Variants in MYO10 observed in about 807,000 individuals in gnomAD.
The protein encoded by MYO10 is unconventional myosin-X.
MYO10 carries 133 observed loss-of-function variants against 257.3 expected under a neutral mutation model. The observed-to-expected ratio is 0.52, with a 90% CI of 0.45 to 0.60. The LOEUF (loss-of-function observed/expected upper bound fraction) is 0.60, where lower values mean the gene tolerates loss of function less well. Among genes scored for constraint, MYO10 ranks in the 20% least tolerant of loss-of-function variants. MYO10 has a pLI of 0.00. For synonymous variants in MYO10, 1,104 were observed against 1,028.6 expected (o/e 1.07, Z -1.40); for missense variants, 2,399 against 2,635.7 (o/e 0.91, Z 1.97).
At chr5:16,811,494 T>C (rs1742440241) in intron 3 of MYO10, among the ~76,000 whole-genome samples, 1 of 152,198 alleles carries the variant, frequency 6.6e-6, no homozygotes, top group African/African-American at 2.4e-5. Context: ...AAGCTCACTC[T>C]CAGCTCTCCA....
intron 33 of MYO10, among the ~76,000 whole-genome samples, chr5:16,678,799 G>A (rs966319830): frequency 4.6e-5 from 7 of 152,122 alleles, no homozygotes; most frequent in Non-Finnish European, 7.3e-5. Context: ...TAAAATACCT[G>A]CCTCACCATC....
intron 2 of MYO10, among the ~76,000 whole-genome samples, chr5:16,866,837 C>T (rs189302431): frequency 6.6e-5 from 10 of 152,280 alleles, no homozygotes; most frequent in Admixed American, 3.9e-4. Context: ...CCCCAACTGC[C>T]TTTTCCTCCA....
chr5:16,845,338 C>A (rs370453500), intron 2 of MYO10, among the ~76,000 whole-genome samples: 23 of 152,140 alleles, frequency 1.5e-4, no homozygotes, highest in African/African-American at 5.5e-4. Context: ...AGCTGTCCCA[C>A]GATTATGTCC....
At chr5:16,670,296 C>T (rs1397957639) in intron 39 of MYO10, among the ~76,000 whole-genome samples, 2 of 152,130 alleles carry the variant, frequency 1.3e-5, no homozygotes, top group East Asian at 3.8e-4. Flanking sequence ...GAATAGATGA[C>T]ATCTTAATTT....
At chr5:16,708,619 T>C (rs556002040) in intron 21 of MYO10, among the ~76,000 whole-genome samples, 108 of 152,312 alleles carry the variant, frequency 7.1e-4, no homozygotes, top group Non-Finnish European at 1.3e-3. Context: ...TGGAGTGCAG[T>C]GGCATGATCA....
intron 19 of MYO10, among the ~76,000 whole-genome samples, chr5:16,752,361 C>T (rs1320705594): frequency 1.3e-5 from 2 of 152,318 alleles, no homozygotes; most frequent in Admixed American, 1.3e-4. Context: ...CGGCTCACTG[C>T]AGCCTCCGCC....
rs73755181 is a variant in MYO10 at position 16,739,959 on chromosome 5, A to G, written c.1929+14869T>C. 2.1e-3 allele frequency among the ~76,000 whole-genome samples: 322 copies of G among 152,292 alleles called. 4 individuals are homozygous for G. Among genetic ancestry groups the G allele is most frequent in the African/African-American group, 7.5e-3 (311 of 41,556 alleles). ...TATTATTGTCACTATTCTTTGTCGC[A>G]TATTTTTGAGGGTCATAGAAAGAAC... On this transcript the variant is annotated intron_variant, in intron 19 of 40. Coordinates refer to ENST00000513610, the MANE Select transcript of MYO10 (RefSeq NM_012334.3).
chr5:16,775,525 G>C (rs1446458375), intron 9 of MYO10, among the ~76,000 whole-genome samples: 1 of 152,094 alleles, frequency 6.6e-6, no homozygotes, highest in Admixed American at 6.5e-5. Context: ...AACTCCCTGG[G>C]CTCAGGTAAT....
chr5:16,801,652 ATGGTT>A (rs1157760633), intron 3 of MYO10, among the ~76,000 whole-genome samples: 1 of 152,142 alleles, frequency 6.6e-6, no homozygotes, highest in Admixed American at 6.5e-5. Context: ...TTCTAAACCT[ATGGTT>A]TAGACCATAT....
At chr5:16,899,814 A>G (rs760057928) in intron 1 of MYO10, among the ~76,000 whole-genome samples, 13 of 152,046 alleles carry the variant, frequency 8.6e-5, no homozygotes, top group Non-Finnish European at 1.6e-4. Flanking sequence ...CCTGGCCAAC[A>G]TGGTGAAACC....
intron 2 of MYO10, among the ~76,000 whole-genome samples, chr5:16,819,941 T>A (rs181973133): frequency 6.6e-6 from 1 of 152,326 alleles, no homozygotes; most frequent in African/African-American, 2.4e-5. Flanking sequence ...CACCCGTCTC[T>A]TATGAAGAAA....
At chr5:16,921,493 CT>C (rs1745983153) in intron 1 of MYO10, among the ~76,000 whole-genome samples, 1 of 152,004 alleles carries the variant, frequency 6.6e-6, no homozygotes, top group African/African-American at 2.4e-5. Flanking sequence ...ATGCCCAAAC[CT>C]TATGGGGAGA....
At chr5:16,799,034 G>A (rs150912175) in intron 3 of MYO10, among the ~76,000 whole-genome samples, 165 of 152,200 alleles carry the variant, frequency 1.1e-3, no homozygotes, top group African/African-American at 3.3e-3. Context: ...TTCATGACAC[G>A]TTTGTATGGT....
At chr5:16,694,228 A>G in intron 27 of MYO10, 143 bp downstream of exon 27, 1 of 1,256,472 alleles carries the variant, frequency 8.0e-7, no homozygotes, top group Non-Finnish European at 1.1e-6. Flanking sequence ...CCAGTTTCCT[A>G]GTAATTTAAC....
intron 39 of MYO10, 148 bp from the exon 40 acceptor site, chr5:16,668,616 T>C (rs550188995): frequency 3.5e-6 from 2 of 571,758 alleles, no homozygotes; most frequent in East Asian, 6.2e-5. Flanking sequence ...GGGCCTGAAA[T>C]ATGAAAAATG....
intron 19 of MYO10, among the ~76,000 whole-genome samples, chr5:16,735,664 G>C (rs1417542073): frequency 6.8e-6 from 1 of 146,706 alleles, no homozygotes; most frequent in African/African-American, 2.5e-5. Flanking sequence ...CCACACTCTA[G>C]CCTAGGCGAC....
chr5:16,750,795 A>C (rs1740357333), intron 19 of MYO10, among the ~76,000 whole-genome samples: 1 of 152,204 alleles, frequency 6.6e-6, no homozygotes, highest in Non-Finnish European at 1.5e-5. Context: ...CAAGAGTTTG[A>C]GACCAGCCTG....
intron 19 of MYO10, among the ~76,000 whole-genome samples, chr5:16,727,007 A>G (rs1192124544): frequency 6.6e-6 from 1 of 152,226 alleles, no homozygotes; most frequent in Non-Finnish European, 1.5e-5. Flanking sequence ...AAGCTAGACA[A>G]ACAGGGTGCT....
intron 1 of MYO10, among the ~76,000 whole-genome samples, chr5:16,894,130 T>C (rs1197774485): frequency 2.6e-5 from 4 of 152,230 alleles, no homozygotes; most frequent in African/African-American, 9.6e-5. Flanking sequence ...TTTATCACAC[T>C]AAGGAACCGA....
Sources: allele counts gnomAD v4.1 joint callset (sites outside exome capture counted in the v4.1 genomes callset), GRCh38; gene constraint gnomAD v4.1.1; transcripts MANE v1.5; gene names NCBI Gene and HGNC (gene_info 2026-07-23, HGNC 2026-07-21).